Variants in PKD2L1 observed in about 807,000 individuals in gnomAD.
PKD2L1 encodes polycystin-2-like protein 1.
PKD2L1 carries 77 observed loss-of-function variants against 93.0 expected under a neutral mutation model. The observed-to-expected ratio is 0.83, with a 90% CI of 0.69 to 1.00. The LOEUF (loss-of-function observed/expected upper bound fraction) is 1.00. Among genes scored for constraint, PKD2L1 ranks in the 50% least tolerant of loss-of-function variants. The pLI, the probability that PKD2L1 is intolerant of heterozygous loss-of-function variation, is 0.00. For synonymous variants in PKD2L1, 390 were observed against 388.0 expected, an observed-to-expected ratio of 1.01 and a Z score of -0.06; for missense variants, 977 against 990.9, an observed-to-expected ratio of 0.99 and a Z score of 0.19.
intron 9 of PKD2L1, among the ~76,000 whole-genome samples, chr10:100,293,713 TGA>T (rs1325905442): frequency 6.6e-6 from 1 of 152,166 alleles, no homozygotes; most frequent in Non-Finnish European, 1.5e-5. Context: ...CTTTTCAGGG[TGA>T]GAGTACAATT....
intron 2 of PKD2L1, among the ~76,000 whole-genome samples, chr10:100,321,694 AGAAAG>A (rs1849236867): frequency 4.0e-4 from 1 of 2,510 alleles, no homozygotes; most frequent in African/African-American, 1.3e-3. Context: ...AAAGAAAGAA[AGAAAG>A]AAAGAAAGAA....
chr10:100,307,653 C>T (rs6584359), intron 2 of PKD2L1, among the ~76,000 whole-genome samples: 7,958 of 152,174 alleles, frequency 0.052, 670 homozygotes, highest in African/African-American at 0.18. Context: ...GAGTGAGACA[C>T]TGCCTCAAAA....
chr10:100,324,186 G>C (rs1849326597), intron 2 of PKD2L1, among the ~76,000 whole-genome samples: 1 of 152,162 alleles, frequency 6.6e-6, no homozygotes, highest in South Asian at 2.1e-4. Context: ...AAGGTGCAGA[G>C]ATTTCCCATA....
At chr10:100,315,837 G>A (rs987698883) in intron 2 of PKD2L1, among the ~76,000 whole-genome samples, 1 of 152,150 alleles carries the variant, frequency 6.6e-6, no homozygotes. Context: ...CCTCCTCCAG[G>A]CTGACAGCCA....
At chr10:100,297,348 G>GGACA in intron 5 of PKD2L1, 34 bp downstream of exon 5, 1 of 1,575,350 alleles carries the variant, frequency 6.3e-7, no homozygotes, top group Non-Finnish European at 8.7e-7. Context: ...CAGGAGCCAT[G>GGACA]GACAGGGTGA....
Position 100,296,235 on chromosome 10 carries a change from T to A in PKD2L1, c.1243A>T (p.Met415Leu), listed in dbSNP as rs995432947. ...TTTGGCTGCTGCAGGAGCTTCCCCA[T>A]GAGCCGATTCACCTCGAGGGTTCGG... ...IFRTLEVNRLMGKLLQQPNTY... is the reference protein window; with the variant it reads ...IFRTLEVNRLLGKLLQQPNTY... Residue 415 changes from methionine (M) to leucine (L), a missense_variant, in exon 7 of 16, where the codon ATG (methionine) becomes TTG (leucine). Transcript: ENST00000318222. 1 of 1,610,654 alleles carries A rather than the reference T, an allele frequency of 6.2e-7. No individual in the cohort carries two copies. The highest frequency in any genetic ancestry group is 8.5e-7 in the Non-Finnish European group (1 of 1,178,604).
chr10:100,314,821 G>A (rs1245478134), intron 2 of PKD2L1, among the ~76,000 whole-genome samples: 2 of 151,642 alleles, frequency 1.3e-5, no homozygotes, highest in East Asian at 2.0e-4. Flanking sequence ...GATCACCCAA[G>A]GTCAGGAGTT....
At chr10:100,289,589 C>T (rs1339521688) in intron 14 of PKD2L1, among the ~76,000 whole-genome samples, 1 of 152,028 alleles carries the variant, frequency 6.6e-6, no homozygotes, top group African/African-American at 2.4e-5. Context: ...AAGGAGACTT[C>T]CCTTACCCCT....
Position 100,329,237 on chromosome 10 carries a change from A to G in PKD2L1, c.323T>C (p.Ile108Thr), listed in dbSNP as rs140152509. Residue 108 changes from isoleucine (I) to threonine (T), a missense_variant, in exon 2 of 16, where the codon ATT (isoleucine) becomes ACT (threonine). Transcript: ENST00000318222. ...KTTLRELLVY[I>T]VFLVDICLLT... is the part of the protein sequence containing the mutation. Reference sequence around the variant, plus strand: ...TAGACAGATGTCCACCAGGAACACAATATATACCAACAGCTCCCTCAGGGT... The same window carrying G: ...TAGACAGATGTCCACCAGGAACACAGTATATACCAACAGCTCCCTCAGGGT... 1.2e-4 allele frequency: 198 copies of G among 1,614,100 alleles called. No homozygotes were observed. The highest frequency in any genetic ancestry group is 1.5e-4 in the Non-Finnish European group (179 of 1,179,954).
chr10:100,296,807 A>G (rs1589663636), intron 6 of PKD2L1, among the ~76,000 whole-genome samples, 173 bp downstream of exon 6: 1 of 152,002 alleles, frequency 6.6e-6, no homozygotes, highest in East Asian at 1.9e-4. Flanking sequence ...GGGTTTCCCA[A>G]GGGCTGAGAG....
intron 7 of PKD2L1, among the ~76,000 whole-genome samples, chr10:100,295,862 C>A (rs530036572): frequency 6.6e-6 from 1 of 150,738 alleles, no homozygotes; most frequent in South Asian, 2.1e-4. Context: ...ATGGTGAAAC[C>A]CCGTCTCCAC....
chr10:100,319,126 G>T (rs530927169), intron 2 of PKD2L1, among the ~76,000 whole-genome samples: 1 of 152,186 alleles, frequency 6.6e-6, no homozygotes, highest in Non-Finnish European at 1.5e-5. Context: ...GATTACAGGC[G>T]TGAGCCACTA....
chr10:100,304,802 C>A (rs1444828404), intron 2 of PKD2L1, among the ~76,000 whole-genome samples: 2 of 152,112 alleles, frequency 1.3e-5, no homozygotes, highest in Non-Finnish European at 2.9e-5. Context: ...GGTTTCTATC[C>A]TTAAAAAGTT....
intron 2 of PKD2L1, among the ~76,000 whole-genome samples, chr10:100,301,054 G>A (rs1428759455): frequency 2.6e-5 from 4 of 152,100 alleles, no homozygotes; most frequent in Admixed American, 6.6e-5. Context: ...CGGCGGAGAC[G>A]TCACATGTCG....
chr10:100,294,794 C>T (rs973818461), intron 8 of PKD2L1, 139 bp from the exon 9 acceptor site: 2 of 1,364,622 alleles, frequency 1.5e-6, no homozygotes, highest in African/African-American at 1.4e-5. Context: ...TATTTAAGCA[C>T]ACACACCAGG....
intron 2 of PKD2L1, among the ~76,000 whole-genome samples, chr10:100,315,905 C>G (rs1333201616): frequency 6.6e-6 from 1 of 152,076 alleles, no homozygotes; most frequent in Non-Finnish European, 1.5e-5. Context: ...GCCTCCCTGG[C>G]AATGACTTAA....
chr10:100,328,534 T>A (rs1273137352), intron 2 of PKD2L1, among the ~76,000 whole-genome samples: 2 of 152,036 alleles, frequency 1.3e-5, no homozygotes, highest in Non-Finnish European at 2.9e-5. Context: ...TATAGTATAA[T>A]AACTACGTGA....
At chr10:100,306,675 A>G (rs1848806455) in intron 2 of PKD2L1, among the ~76,000 whole-genome samples, 1 of 151,880 alleles carries the variant, frequency 6.6e-6, no homozygotes, top group Non-Finnish European at 1.5e-5. Context: ...AGCCCGGGCA[A>G]CATGGCGAAA....
chr10:100,318,168 G>A (rs1993110), intron 2 of PKD2L1, among the ~76,000 whole-genome samples: 106,639 of 152,020 alleles, frequency 0.7, 39,897 homozygotes, highest in Non-Finnish European at 0.84. Context: ...GGTTCTGTCT[G>A]AACTTAAAAT....
Sources: allele counts gnomAD v4.1 joint callset (sites outside exome capture counted in the v4.1 genomes callset), GRCh38; gene constraint gnomAD v4.1.1; transcripts MANE v1.5; gene names NCBI Gene and HGNC (gene_info 2026-07-23, HGNC 2026-07-21).